Variants in TG observed in about 807,000 individuals in gnomAD.
TG encodes thyroglobulin.
Under a neutral mutation model 324.7 loss-of-function variants are expected in TG, and 270 were observed. The ratio of observed to expected loss-of-function variants is 0.83; its 90% CI spans 0.75 to 0.92. The LOEUF (loss-of-function observed/expected upper bound fraction) is 0.92, where lower values mean the gene tolerates loss of function less well. Among genes scored for constraint, TG ranks in the 40% least tolerant of loss-of-function variants. The probability of loss-of-function intolerance (pLI) is 0.00; values close to 1 mark genes in which losing one functional copy is unlikely to be tolerated. For missense variants in TG, 3,591 were observed against 3,456.4 expected, an observed-to-expected ratio of 1.04 and a Z score of -0.98; for synonymous variants, 1,401 against 1,327.0, an observed-to-expected ratio of 1.06 and a Z score of -1.21.
At chr8:132,889,728 A>T (rs571293985) in intron 10 of TG, among the ~76,000 whole-genome samples, 24 of 152,186 alleles carry the variant, frequency 1.6e-4, no homozygotes, top group Middle Eastern at 3.2e-3. Flanking sequence ...TCCTATTTGT[A>T]TGCAATTTTA....
At position 132,948,871 on chromosome 8, in the gene TG, T is replaced by C. The variant is rs539754083; in HGVS notation, c.5329T>C (p.Cys1777Arg). The C allele has an allele frequency of 6.2e-7, 1 of 1,614,144 alleles. No individual in the cohort carries two copies. The highest frequency in any genetic ancestry group is 1.1e-5 in the South Asian group (1 of 91,076). Residue 1777 changes from cysteine to arginine, a missense_variant, in exon 27 of 48, where the codon TGT becomes CGT. By Grantham distance (180) the Cys-to-Arg change is radical (BLOSUM62 -3). Coordinates refer to ENST00000220616, the MANE Select transcript of TG (RefSeq NM_003235.5). ...CTCTGAAGCCTGGGCTAATGCTACA[T>C]GTCCTGGTGTGACATATGACCAGGA... ...DPSEAWANAT[C>R]PGVTYDQESH...
chr8:132,917,798 T>A (rs1434745700), intron 20 of TG, among the ~76,000 whole-genome samples: 2 of 151,934 alleles, frequency 1.3e-5, no homozygotes, highest in African/African-American at 4.8e-5. Context: ...AGGGGTGGCC[T>A]GACCCTAAAG....
At position 133,059,916 on chromosome 8, in the gene TG, A is replaced by G. The variant is rs562278198; in HGVS notation, c.7239+29893A>G. ...CACCCTTCAGGTGCGCCGAGCACCC[A>G]ATTCTTTTCGTCTTTTAATTATGAA... On this transcript the variant is annotated intron_variant, in intron 41 of 47. Coordinates refer to ENST00000220616, the MANE Select transcript of TG (RefSeq NM_003235.5). Among the ~76,000 whole-genome samples, 5 of 152,356 alleles carry G rather than the reference A, an allele frequency of 3.3e-5. No homozygotes were observed. In the East Asian group the frequency reaches 9.6e-4, roughly 29 times the overall value.
intron 11 of TG, among the ~76,000 whole-genome samples, chr8:132,895,789 G>T (rs895420199): frequency 6.6e-6 from 1 of 152,246 alleles, no homozygotes; most frequent in African/African-American, 2.4e-5. Context: ...GACCACTTTG[G>T]TCAGGGAGGG....
At chr8:133,058,327 C>T (rs1014634775) in intron 41 of TG, among the ~76,000 whole-genome samples, 1 of 152,146 alleles carries the variant, frequency 6.6e-6, no homozygotes, top group South Asian at 2.1e-4. Flanking sequence ...GAATTCTCTT[C>T]ACCAGGGGGT....
chr8:133,050,970 G>A (rs765593945), intron 41 of TG: 2 of 1,009,820 alleles, frequency 2.0e-6, no homozygotes, highest in East Asian at 2.4e-5. Flanking sequence ...TTCACAAGGA[G>A]CTTAAAGGTA....
At chr8:133,105,553 C>T (rs577667522) in intron 43 of TG, among the ~76,000 whole-genome samples, 15 of 152,108 alleles carry the variant, frequency 9.9e-5, no homozygotes, top group African/African-American at 2.2e-4. Flanking sequence ...ATATGGATGA[C>T]GAAGATAAAT....
rs778035632 is a variant in TG, at chr8:133,029,916, C to T, written c.7132C>T (p.Arg2378Trp). 44 of 1,614,068 alleles carry T rather than the reference C, an allele frequency of 2.7e-5. No individual in the cohort carries two copies. Among genetic ancestry groups the T allele is most frequent in the African/African-American group, 1.5e-4 (11 of 74,932 alleles). Residue 2378 changes from arginine to tryptophan, a missense_variant, in exon 41 of 48, where the codon CGG becomes TGG. Physicochemically the swap from Arg to Trp is moderately radical, Grantham distance 101. Coordinates refer to ENST00000220616, the MANE Select transcript of TG (RefSeq NM_003235.5). ...THIRGFGGDPRRVSLAADRGG... is the reference protein window; with the variant it reads ...THIRGFGGDPWRVSLAADRGG... ...CATCCGAGGATTTGGCGGGGACCCTCGGCGCGTGTCCCTGGCAGCAGACCG... is the reference window on the plus strand; with the variant it reads ...CATCCGAGGATTTGGCGGGGACCCTTGGCGCGTGTCCCTGGCAGCAGACCG...
At chr8:133,088,131 T>C (rs182382779) in intron 41 of TG, among the ~76,000 whole-genome samples, 12 of 152,320 alleles carry the variant, frequency 7.9e-5, no homozygotes, top group Middle Eastern at 3.4e-3. Context: ...GTTGTACATG[T>C]GAATCAAAGC....
chr8:132,947,258 C>G (rs1264053286), intron 26 of TG, among the ~76,000 whole-genome samples: 1 of 152,164 alleles, frequency 6.6e-6, no homozygotes, highest in Non-Finnish European at 1.5e-5. Context: ...TCCAAATGCA[C>G]CCCGCCCCAT....
intron 27 of TG, among the ~76,000 whole-genome samples, chr8:132,952,222 G>T (rs1168905075): frequency 6.6e-6 from 1 of 152,224 alleles, no homozygotes; most frequent in Non-Finnish European, 1.5e-5. Flanking sequence ...GAGGATTAAA[G>T]AAGAATGTGT....
intron 40 of TG, among the ~76,000 whole-genome samples, chr8:133,027,646 G>A (rs1362261724): frequency 6.6e-6 from 1 of 152,184 alleles, no homozygotes; most frequent in East Asian, 1.9e-4. Flanking sequence ...AGGTATAAAG[G>A]CTTTTTGAAC....
rs187330733 is a variant in TG at position 132,934,259 on chromosome 8, C to T, written c.4932+583C>T. Among the ~76,000 whole-genome samples, 434 of 152,104 alleles carry T rather than the reference C, an allele frequency of 2.9e-3. 2 individuals are homozygous for T. The highest frequency in any genetic ancestry group is 9.7e-3 in the African/African-American group (402 of 41,486). ...CTGAGGCAGGAGAATCGCTTGAACC[C>T]GGGAGGTGGAGGTTGCAGTGAGCTG... On this transcript the variant is annotated intron_variant, in intron 24 of 47. Transcript: ENST00000220616.
intron 22 of TG, among the ~76,000 whole-genome samples, chr8:132,928,651 T>G (rs1422658266): frequency 6.6e-6 from 1 of 152,208 alleles, no homozygotes; most frequent in South Asian, 2.1e-4. Flanking sequence ...TAAATACATA[T>G]GCACATGTCT....
intron 31 of TG, among the ~76,000 whole-genome samples, chr8:132,968,837 G>A (rs978192175): frequency 1.3e-5 from 2 of 152,192 alleles, no homozygotes; most frequent in East Asian, 1.9e-4. Flanking sequence ...TCTGGAAAAT[G>A]TCGGGGGGAC....
At chr8:133,110,640 G>C (rs1417566232) in intron 43 of TG, among the ~76,000 whole-genome samples, 1 of 152,194 alleles carries the variant, frequency 6.6e-6, no homozygotes, top group Non-Finnish European at 1.5e-5. Flanking sequence ...GATTAAGGGC[G>C]TATGCCAGAC....
intron 41 of TG, among the ~76,000 whole-genome samples, chr8:133,090,872 G>T (rs537900935): frequency 2.5e-4 from 38 of 152,020 alleles, no homozygotes; most frequent in African/African-American, 9.2e-4. Context: ...GCCTCACCCC[G>T]CACCCCCCGG....
chr8:132,910,937 C>T (rs1819428526), intron 18 of TG, among the ~76,000 whole-genome samples: 1 of 152,178 alleles, frequency 6.6e-6, no homozygotes, highest in African/African-American at 2.4e-5. Context: ...ACATCACTCA[C>T]AGAAATTCAG....
At chr8:133,086,005 A>G (rs1846493228) in intron 41 of TG, among the ~76,000 whole-genome samples, 1 of 152,250 alleles carries the variant, frequency 6.6e-6, no homozygotes, top group South Asian at 2.1e-4. Flanking sequence ...TAAGCAAAAT[A>G]TGGTTTCTCT....
Sources: allele counts gnomAD v4.1 joint callset (sites outside exome capture counted in the v4.1 genomes callset), GRCh38; gene constraint gnomAD v4.1.1; transcripts MANE v1.5; gene names NCBI Gene and HGNC (gene_info 2026-07-23, HGNC 2026-07-21).